CD96: variants seen among roughly 807,000 people sequenced by gnomAD.
CD96 encodes T-cell surface protein tactile.
CD96 carries 70 observed loss-of-function variants against 71.3 expected under a neutral mutation model. The ratio of observed to expected loss-of-function variants is 0.98; its 90% confidence interval spans 0.81 to 1.20. The LOEUF (loss-of-function observed/expected upper bound fraction) is 1.20, where lower values mean the gene tolerates loss of function less well. Among genes scored for constraint, CD96 ranks in the 50% most tolerant of loss-of-function variants. CD96 has a pLI of 0.00. For synonymous variants in CD96, 248 were observed against 233.0 expected (o/e 1.06, Z -0.59); for missense variants, 742 against 677.5 (o/e 1.10, Z -1.06).
chr3:111,664,201 C>CGT (rs1553715205), intron 14 of CD96, among the ~76,000 whole-genome samples: 1 of 152,034 alleles, frequency 6.6e-6, no homozygotes, highest in Non-Finnish European at 1.5e-5. Flanking sequence ...ACCAAAAAGA[C>CGT]GTGCAAATGT....
intron 10 of CD96, among the ~76,000 whole-genome samples, chr3:111,636,815 A>T (rs1262304744): frequency 6.6e-6 from 1 of 152,138 alleles, no homozygotes; most frequent in Non-Finnish European, 1.5e-5. Flanking sequence ...TCAAAGTCCT[A>T]TTGGCAGCTT....
chr3:111,608,546 G>C (rs1382758517), intron 8 of CD96, among the ~76,000 whole-genome samples: 1 of 152,154 alleles, frequency 6.6e-6, no homozygotes, highest in East Asian at 1.9e-4. Context: ...TTGCCAGATG[G>C]GGACTTTAAG....
At chr3:111,649,064 C>A (rs770759420) in intron 13 of CD96, among the ~76,000 whole-genome samples, 13 of 152,198 alleles carry the variant, frequency 8.5e-5, no homozygotes, top group African/African-American at 1.9e-4. Context: ...CCCATCTCTA[C>A]CCTATCCCCG....
intron 2 of CD96, among the ~76,000 whole-genome samples, chr3:111,546,786 C>T (rs1934417377): frequency 6.6e-6 from 1 of 152,072 alleles, no homozygotes; most frequent in Non-Finnish European, 1.5e-5. Context: ...TTATAACTTA[C>T]TTGCTTTAAA....
At chr3:111,597,261 A>C (rs1937300680) in intron 5 of CD96, among the ~76,000 whole-genome samples, 1 of 152,102 alleles carries the variant, frequency 6.6e-6, no homozygotes. Context: ...CAGATAAAAC[A>C]ATGGGAATCC....
chr3:111,577,641 A>G (rs1006057152), intron 3 of CD96: 3 of 864,136 alleles, frequency 3.5e-6, no homozygotes, highest in Non-Finnish European at 6.0e-6. Flanking sequence ...ACTGACACAA[A>G]TCCTAGCCAG....
At chr3:111,552,562 A>G (rs1205822037) in intron 2 of CD96, among the ~76,000 whole-genome samples, 2 of 152,090 alleles carry the variant, frequency 1.3e-5, no homozygotes, top group Non-Finnish European at 2.9e-5. Flanking sequence ...TTTGTGGTCC[A>G]TGTAGTCTCT....
chr3:111,581,340 C>T (rs905530545), intron 4 of CD96, among the ~76,000 whole-genome samples: 1 of 152,156 alleles, frequency 6.6e-6, no homozygotes, highest in South Asian at 2.1e-4. Flanking sequence ...GTGGCCCTGA[C>T]CACATATCTT....
intron 2 of CD96, among the ~76,000 whole-genome samples, chr3:111,547,406 T>A (rs929734191): frequency 1.3e-5 from 2 of 150,374 alleles, no homozygotes; most frequent in African/African-American, 4.9e-5. Flanking sequence ...TGACCTTGGT[T>A]TCATACATAG....
intron 3 of CD96, among the ~76,000 whole-genome samples, chr3:111,578,471 G>A (rs1263027135): frequency 6.6e-6 from 1 of 152,166 alleles, no homozygotes; most frequent in East Asian, 1.9e-4. Flanking sequence ...CTGCCCCAGG[G>A]CACAAAATTT....
chr3:111,556,573 A>G (rs1472834355), intron 2 of CD96, among the ~76,000 whole-genome samples: 2 of 135,482 alleles, frequency 1.5e-5, no homozygotes, highest in South Asian at 2.5e-4. Flanking sequence ...CACGGTGTAT[A>G]TGTTCCACAT....
In CD96 at chr3:111,644,538, C is replaced by CT. The variant is rs552269179; in HGVS notation, c.1478-3001dup. 7.9e-5 allele frequency among the ~76,000 whole-genome samples: 12 copies of CT among 152,054 alleles called. No homozygotes were observed. The South Asian group carries it at 2.5e-3, about 32-fold the overall frequency. ...AAACAAAGATAATTAAACTAAAGAG[C>CT]TTTTCCACAGCAAAAGGAACAGTCA... On this transcript the variant is annotated intron_variant, in intron 12 of 13. Coordinates refer to ENST00000352690, the MANE Select transcript of CD96 (RefSeq NM_005816.5).
At chr3:111,603,524 T>C (rs1432019020) in intron 7 of CD96, among the ~76,000 whole-genome samples, 2 of 152,168 alleles carry the variant, frequency 1.3e-5, no homozygotes, top group Non-Finnish European at 2.9e-5. Flanking sequence ...TTCTGGCAGA[T>C]TTGAAGAGCT....
At chr3:111,624,509 A>T (rs1171732117) in intron 10 of CD96, 105 bp downstream of exon 10, 2 of 767,670 alleles carry the variant, frequency 2.6e-6, no homozygotes, top group Admixed American at 3.6e-5. Flanking sequence ...ATATTTGCAA[A>T]TGTTCACAAA....
intron 5 of CD96, among the ~76,000 whole-genome samples, chr3:111,597,512 A>G (rs537322166): frequency 4.1e-4 from 63 of 152,316 alleles, no homozygotes; most frequent in Admixed American, 1.9e-3. Flanking sequence ...TCCTCGAACC[A>G]CTGGGTGCCT....
chr3:111,560,256 G>A (rs1027627443), intron 2 of CD96, among the ~76,000 whole-genome samples: 17 of 151,744 alleles, frequency 1.1e-4, no homozygotes, highest in African/African-American at 4.1e-4. Flanking sequence ...TCATTATGAT[G>A]TTAGCTGGTG....
rs1349901016 is a variant in CD96, at chr3:111,545,065, C to T, written c.81C>T (p.Val27=). ...HFVKGVWEKT[V]NTEENVYATL... is the part of the protein sequence containing the mutation. Reference sequence around the variant, plus strand: ...TTTCAGGAGTTTGGGAAAAAACAGTCAACACAGAAGAAAATGTTTATGCTA... The same window carrying T: ...TTTCAGGAGTTTGGGAAAAAACAGTTAACACAGAAGAAAATGTTTATGCTA... The change falls in exon 2 of 14, where the codon GTC becomes GTT. Residue 27 remains valine, a synonymous_variant. Coordinates refer to ENST00000352690, the MANE Select transcript of CD96 (RefSeq NM_005816.5). The T allele has an allele frequency of 6.2e-7, 1 of 1,614,024 alleles. No homozygotes were observed.
intron 10 of CD96, among the ~76,000 whole-genome samples, chr3:111,626,150 A>G (rs1938741018): frequency 6.6e-6 from 1 of 151,860 alleles, no homozygotes; most frequent in South Asian, 2.1e-4. Context: ...AAATACAAAA[A>G]ATTAGCCAGG....
rs1005354846 is a variant in CD96, at chr3:111,573,809, C to T, written c.544-5218C>T. On this transcript the variant is annotated intron_variant, in intron 3 of 13. Transcript: ENST00000352690. Reference sequence around the variant, plus strand: ...GTTAAAAGGTAAGTGGTACTATAGACAATGTTTGTTATGCTTATGGATGCC... The same window carrying T: ...GTTAAAAGGTAAGTGGTACTATAGATAATGTTTGTTATGCTTATGGATGCC... Among the ~76,000 whole-genome samples, 5 of 145,242 alleles carry T rather than the reference C, an allele frequency of 3.4e-5. No individual in the cohort carries two copies. In the South Asian group the frequency reaches 1.1e-3, roughly 31 times the overall value.
Sources: allele counts gnomAD v4.1 joint callset (sites outside exome capture counted in the v4.1 genomes callset), GRCh38; gene constraint gnomAD v4.1.1; transcripts MANE v1.5; gene names NCBI Gene and HGNC (gene_info 2026-07-23, HGNC 2026-07-21).